Variants in CDH13 observed in about 807,000 individuals in gnomAD.
CDH13 encodes the protein cadherin-13.
CDH13 carries 24 observed loss-of-function variants against 63.8 expected under a neutral mutation model. The observed-to-expected ratio is 0.38, with a 90% CI of 0.27 to 0.53. CDH13 has a LOEUF of 0.53. CDH13 is among the 20% of genes least tolerant of loss of function. The pLI is 0.85. For missense variants in CDH13, 1,049 were observed against 903.1 expected, an observed-to-expected ratio of 1.16 and a Z score of -2.07; for synonymous variants, 503 against 355.3, an observed-to-expected ratio of 1.42 and a Z score of -4.67.
chr16:82,827,617 C>G (rs1309419598), intron 1 of CDH13, among the ~76,000 whole-genome samples: 1 of 152,144 alleles, frequency 6.6e-6, no homozygotes, highest in Non-Finnish European at 1.5e-5. Flanking sequence ...CGTCTGACCC[C>G]TTTCATCTTT....
At chr16:83,402,749 G>C (rs888022587) in intron 6 of CDH13, among the ~76,000 whole-genome samples, 1 of 152,168 alleles carries the variant, frequency 6.6e-6, no homozygotes, top group African/African-American at 2.4e-5. Context: ...AAGTTACACC[G>C]ATCAGTGTCA....
At chr16:83,380,300 C>A (rs2091539310) in intron 6 of CDH13, among the ~76,000 whole-genome samples, 2 of 152,080 alleles carry the variant, frequency 1.3e-5, no homozygotes, top group Non-Finnish European at 2.9e-5. Flanking sequence ...GATTTTCATA[C>A]TATTGTTCTT....
chr16:83,489,410 C>A (rs1305968867), intron 7 of CDH13, among the ~76,000 whole-genome samples: 1 of 152,192 alleles, frequency 6.6e-6, no homozygotes, highest in African/African-American at 2.4e-5. Flanking sequence ...TGTCACTCTT[C>A]TGTGAGGGTT....
Position 83,032,165 on chromosome 16 carries a change from G to C in CDH13, c.313G>C (p.Asp105His). ...FVHARTPHAE[D>H]MAELVIVGGK... ...CCATGCACGGACCCCCCATGCGGAA[G>C]ATATGGCAGAACTCGTGATTGTCGG... The change falls in exon 3 of 14, where the codon GAT becomes CAT. Residue 105 changes from aspartate (D) to histidine (H), a missense_variant. Transcript: ENST00000567109. 6.2e-7 allele frequency: 1 copy of C among 1,613,782 alleles called. No homozygotes were observed. The highest frequency in any genetic ancestry group is 8.5e-7 in the Non-Finnish European group (1 of 1,179,784).
chr16:83,779,439 G>A (rs964538191), intron 11 of CDH13, among the ~76,000 whole-genome samples: 518 of 30,738 alleles, frequency 0.017, 1 homozygote, highest in Non-Finnish European at 0.029. Context: ...AAAAAAAAAA[G>A]TCTTATATAT....
intron 10 of CDH13, among the ~76,000 whole-genome samples, chr16:83,747,568 C>T (rs575603066): frequency 6.6e-6 from 1 of 150,900 alleles, no homozygotes; most frequent in East Asian, 1.9e-4. Context: ...AACTCATATT[C>T]TCTCTTCCTG....
intron 2 of CDH13, among the ~76,000 whole-genome samples, chr16:82,900,005 C>G (rs1160810166): frequency 6.6e-6 from 1 of 152,180 alleles, no homozygotes; most frequent in Non-Finnish European, 1.5e-5. Context: ...AGGTCTGGCT[C>G]TCCCATGTCT....
At chr16:82,708,119 A>G (rs964351829) in intron 1 of CDH13, among the ~76,000 whole-genome samples, 31 of 152,188 alleles carry the variant, frequency 2.0e-4, no homozygotes, top group African/African-American at 7.5e-4. Context: ...CAGTGCACGC[A>G]TGGAGGCAAA....
intron 1 of CDH13, among the ~76,000 whole-genome samples, chr16:82,701,371 G>C (rs2031005683): frequency 6.6e-6 from 1 of 152,012 alleles, no homozygotes; most frequent in South Asian, 2.1e-4. Flanking sequence ...TGATTACTAA[G>C]ACTTTTAACA....
intron 1 of CDH13, among the ~76,000 whole-genome samples, chr16:82,650,352 G>C (rs16957992): frequency 6.6e-6 from 1 of 152,008 alleles, no homozygotes; most frequent in African/African-American, 2.4e-5. Context: ...AGGACTTGGA[G>C]GACCTGGAGA....
At chr16:83,417,503 G>T (rs1334610827) in intron 6 of CDH13, among the ~76,000 whole-genome samples, 1 of 152,056 alleles carries the variant, frequency 6.6e-6, no homozygotes, top group African/African-American at 2.4e-5. Context: ...TTGCCTTCTT[G>T]CCTTTCCAAT....
At chr16:83,096,736 G>C (rs894611430) in intron 3 of CDH13, among the ~76,000 whole-genome samples, 5 of 152,166 alleles carry the variant, frequency 3.3e-5, no homozygotes, top group Non-Finnish European at 2.9e-5. Context: ...TAACAATACT[G>C]TCGTAATTAT....
intron 8 of CDH13, among the ~76,000 whole-genome samples, chr16:83,648,751 A>G (rs968558757): frequency 7.3e-5 from 11 of 150,490 alleles, no homozygotes; most frequent in Middle Eastern, 3.5e-3. Flanking sequence ...TTTATTCTCT[A>G]TTCTCTCTCT....
At chr16:83,636,629 A>T (rs1911288703) in intron 8 of CDH13, among the ~76,000 whole-genome samples, 1 of 152,230 alleles carries the variant, frequency 6.6e-6, no homozygotes, top group Admixed American at 6.5e-5. Context: ...CTATGGTTAC[A>T]TAGTATTCCA....
chr16:82,795,222 T>G (rs2036523775), intron 1 of CDH13, among the ~76,000 whole-genome samples: 1 of 152,198 alleles, frequency 6.6e-6, no homozygotes, highest in African/African-American at 2.4e-5. Flanking sequence ...CCATGTCTAT[T>G]GGAATGAATA....
chr16:82,725,088 G>C (rs919217649), intron 1 of CDH13, among the ~76,000 whole-genome samples: 2 of 152,124 alleles, frequency 1.3e-5, no homozygotes, highest in Admixed American at 1.3e-4. Flanking sequence ...TGATGGTGAT[G>C]ATGGTGTTGA....
intron 3 of CDH13, among the ~76,000 whole-genome samples, chr16:83,121,365 C>T (rs2035565629): frequency 6.6e-6 from 1 of 152,206 alleles, no homozygotes; most frequent in African/African-American, 2.4e-5. Context: ...TAAATTGGAG[C>T]AGTTTGCATG....
chr16:83,429,618 C>T (rs562555177), intron 6 of CDH13, among the ~76,000 whole-genome samples: 45 of 152,096 alleles, frequency 3.0e-4, no homozygotes, highest in Non-Finnish European at 5.7e-4. Flanking sequence ...TCCAGCCAAA[C>T]AACCTACTCA....
intron 6 of CDH13, among the ~76,000 whole-genome samples, chr16:83,483,253 T>C (rs1201013001): frequency 6.6e-6 from 1 of 152,170 alleles, no homozygotes; most frequent in African/African-American, 2.4e-5. Context: ...GTAAATCCAG[T>C]GATGCATTCG....
Sources: allele counts gnomAD v4.1 joint callset (sites outside exome capture counted in the v4.1 genomes callset), GRCh38; gene constraint gnomAD v4.1.1; transcripts MANE v1.5; gene names NCBI Gene and HGNC (gene_info 2026-07-23, HGNC 2026-07-21).